Variants in ERC2 observed in about 807,000 individuals in gnomAD.
ERC2 encodes the protein ELKS/RAB6-interacting/CAST family member 2.
ERC2 carries 42 observed loss-of-function variants against 114.8 expected under a neutral mutation model. That is an observed-to-expected ratio of 0.37 (90% CI 0.29 to 0.47). ERC2 has a LOEUF of 0.47. Among genes scored for constraint, ERC2 ranks in the 20% least tolerant of loss-of-function variants. ERC2 has a pLI of 0.99. For synonymous variants in ERC2, 454 were observed against 425.5 expected, an observed-to-expected ratio of 1.07 and a Z score of -0.82; for missense variants, 939 against 1,150.7, an observed-to-expected ratio of 0.82 and a Z score of 2.66.
intron 4 of ERC2, among the ~76,000 whole-genome samples, chr3:56,170,084 TC>T (rs1369252830): frequency 6.6e-6 from 1 of 152,188 alleles, no homozygotes; most frequent in Non-Finnish European, 1.5e-5. Context: ...AAACTAATTT[TC>T]CAAGAAACAC....
chr3:55,698,998 G>T (rs528997473), intron 16 of ERC2, among the ~76,000 whole-genome samples: 2 of 152,238 alleles, frequency 1.3e-5, no homozygotes, highest in South Asian at 4.2e-4. Context: ...TTCTAGGAAA[G>T]TGCTCAGCGA....
At chr3:56,328,260 A>C (rs773864114) in intron 2 of ERC2, among the ~76,000 whole-genome samples, 107 of 152,050 alleles carry the variant, frequency 7.0e-4, no homozygotes, top group Non-Finnish European at 2.5e-4. Context: ...GGCTTCCAAG[A>C]CCTCATAGGC....
At chr3:56,384,751 TCCTA>T (rs1458778391) in intron 2 of ERC2, among the ~76,000 whole-genome samples, 1 of 152,178 alleles carries the variant, frequency 6.6e-6, no homozygotes, top group African/African-American at 2.4e-5. Flanking sequence ...GCTTTTGGTG[TCCTA>T]CCTAAGATAT....
At chr3:56,077,182 C>G (rs962411754) in intron 7 of ERC2, among the ~76,000 whole-genome samples, 41 of 152,160 alleles carry the variant, frequency 2.7e-4, no homozygotes, top group Non-Finnish European at 5.7e-4. Context: ...TGTATTATTT[C>G]TACATTTTGA....
chr3:55,909,683 C>T (rs2064687246), intron 13 of ERC2, among the ~76,000 whole-genome samples: 2 of 152,140 alleles, frequency 1.3e-5, no homozygotes, highest in African/African-American at 2.4e-5. Context: ...CGGAGGCAGC[C>T]ACCCTGGGAC....
intron 15 of ERC2, among the ~76,000 whole-genome samples, chr3:55,706,167 C>T (rs1368364524): frequency 1.3e-5 from 2 of 152,160 alleles, no homozygotes; most frequent in East Asian, 3.9e-4. Flanking sequence ...GTGGACAACC[C>T]TACAGTGTGC....
chr3:56,257,530 A>G (rs2052602458), intron 3 of ERC2, among the ~76,000 whole-genome samples: 1 of 152,196 alleles, frequency 6.6e-6, no homozygotes, highest in South Asian at 2.1e-4. Context: ...AGTTACAAAA[A>G]CAGCAATACT....
rs1575604403 is a variant in ERC2, at chr3:56,152,862, T to C, written c.1150-3730A>G. ...ACCCAAGACTATTTTACATCTACCA[T>C]CTCAAAAAATGCAAAATAGGTATTT... is the stretch of plus-strand genomic sequence containing the variant. On this transcript the variant is annotated intron_variant, in intron 4 of 17. Coordinates refer to ENST00000288221, the MANE Select transcript of ERC2 (RefSeq NM_015576.3). Among the ~76,000 whole-genome samples, 4 of 152,082 alleles carry C rather than the reference T, an allele frequency of 2.6e-5. No homozygotes were observed. The South Asian group carries it at 8.3e-4, about 32-fold the overall frequency.
intron 2 of ERC2, among the ~76,000 whole-genome samples, chr3:56,408,864 CAA>C (rs142513886): frequency 0.044 from 6,776 of 152,290 alleles, 375 homozygotes; most frequent in African/African-American, 0.13. Flanking sequence ...AGGGCAGTTG[CAA>C]AGGCCCTAAG....
intron 14 of ERC2, among the ~76,000 whole-genome samples, chr3:55,826,040 A>C (rs2060313403): frequency 1.3e-5 from 2 of 148,292 alleles, no homozygotes; most frequent in South Asian, 4.5e-4. Context: ...AGAGGAAGGA[A>C]GGGAGGAAGG....
rs368385531 is a variant in ERC2 at position 55,900,328 on chromosome 3, C to A, written c.2404-11779G>T. The stretch of plus-strand genomic sequence containing the variant: ...CGATTTTGTTATTATAATTTTGTTT[C>A]TTCAGCACTCAAAATAAGCTGTGAG... On this transcript the variant is annotated intron_variant, in intron 13 of 17. Coordinates refer to ENST00000288221, the MANE Select transcript of ERC2 (RefSeq NM_015576.3). Among the ~76,000 whole-genome samples, 15 of 152,194 alleles carry A rather than the reference C, an allele frequency of 9.9e-5. No individual in the cohort carries two copies. The East Asian group carries it at 2.9e-3, about 29-fold the overall frequency.
intron 2 of ERC2, among the ~76,000 whole-genome samples, chr3:56,299,986 G>A (rs2055753286): frequency 6.6e-6 from 1 of 152,210 alleles, no homozygotes; most frequent in South Asian, 2.1e-4. Flanking sequence ...CTGTGAGGGA[G>A]CTGCCCCTTT....
intron 17 of ERC2, among the ~76,000 whole-genome samples, chr3:55,524,000 G>A (rs560530386): frequency 6.6e-6 from 1 of 152,238 alleles, no homozygotes; most frequent in South Asian, 2.1e-4. Flanking sequence ...CTGACTTCAG[G>A]TAAGTCACTT....
chr3:55,959,810 G>A (rs1395381703), intron 12 of ERC2, among the ~76,000 whole-genome samples: 1 of 152,268 alleles, frequency 6.6e-6, no homozygotes, highest in East Asian at 1.9e-4. Context: ...ACAGTACATC[G>A]CTCTCACTGT....
intron 12 of ERC2, among the ~76,000 whole-genome samples, chr3:55,974,495 T>C (rs1462042167): frequency 6.6e-6 from 1 of 152,238 alleles, no homozygotes; most frequent in Non-Finnish European, 1.5e-5. Context: ...CTAATCACAC[T>C]GTGTGGGGCC....
chr3:56,356,512 G>T (rs1008105471), intron 2 of ERC2, among the ~76,000 whole-genome samples: 2 of 152,174 alleles, frequency 1.3e-5, no homozygotes, highest in Non-Finnish European at 2.9e-5. Context: ...ATTCACATCC[G>T]ACTCCTGAGC....
At chr3:56,421,000 C>T (rs537310626) in intron 2 of ERC2, among the ~76,000 whole-genome samples, 26 of 152,074 alleles carry the variant, frequency 1.7e-4, no homozygotes, top group Non-Finnish European at 2.4e-4. Flanking sequence ...TATATAAAAG[C>T]GCCATGTGGG....
chr3:56,385,544 C>A (rs543344950), intron 2 of ERC2, among the ~76,000 whole-genome samples: 1 of 152,104 alleles, frequency 6.6e-6, no homozygotes, highest in Non-Finnish European at 1.5e-5. Flanking sequence ...TGGGTGAAAA[C>A]GGAACATGAT....
chr3:56,277,657 T>C (rs11720894), intron 3 of ERC2, among the ~76,000 whole-genome samples: 53,202 of 151,464 alleles, frequency 0.35, 10,195 homozygotes, highest in Middle Eastern at 0.45. Context: ...CAAAACTGAC[T>C]CCTAAATGGT....
Sources: gnomAD v4.1 joint callset for allele counts (sites outside exome capture counted in the v4.1 genomes callset) on GRCh38, gnomAD v4.1.1 for gene constraint, MANE v1.5 for transcripts, NCBI Gene and HGNC (gene_info 2026-07-23, HGNC 2026-07-21) for gene names.